Variants in EIF2AK2 observed in about 807,000 individuals in gnomAD.
EIF2AK2 encodes eukaryotic translation initiation factor 2 alpha kinase 2.
In EIF2AK2, 40 loss-of-function variants were observed where a neutral mutation model predicts 70.5. The ratio of observed to expected loss-of-function variants is 0.57; its 90% CI spans 0.44 to 0.74. The LOEUF is 0.74. Ranked by LOEUF, EIF2AK2 falls within the 30% of genes least tolerant of loss-of-function variation. EIF2AK2 has a pLI of 0.00. For missense variants in EIF2AK2, 555 were observed against 644.3 expected, an observed-to-expected ratio of 0.86 and a Z score of 1.50; for synonymous variants, 198 against 220.9, an observed-to-expected ratio of 0.90 and a Z score of 0.92.
intron 14 of EIF2AK2, 64 bp from the exon 15 acceptor site, chr2:37,109,359 G>T: frequency 6.9e-7 from 1 of 1,442,356 alleles, no homozygotes. Context: ...GCCTTCTAAA[G>T]CCCAAAAAAG....
chr2:37,118,322 ATAAAAAT>A (rs1674418131), intron 13 of EIF2AK2, among the ~76,000 whole-genome samples: 1 of 152,190 alleles, frequency 6.6e-6, no homozygotes, highest in South Asian at 2.1e-4. Context: ...TCAAAAAAAA[ATAAAAAT>A]TAAAAATTTA....
intron 4 of EIF2AK2, among the ~76,000 whole-genome samples, chr2:37,143,392 C>T (rs533036083): frequency 3.3e-5 from 5 of 152,096 alleles, no homozygotes; most frequent in African/African-American, 7.2e-5. Flanking sequence ...TCTTATTTTC[C>T]GGGATACCAG....
chr2:37,149,960 A>T (rs1338601471), intron 1 of EIF2AK2, among the ~76,000 whole-genome samples: 1 of 152,214 alleles, frequency 6.6e-6, no homozygotes, highest in Admixed American at 6.5e-5. Context: ...AAAGCAACGA[A>T]AAATGATAAC....
At chr2:37,113,238 G>A (rs1467965281) in intron 14 of EIF2AK2, among the ~76,000 whole-genome samples, 1 of 152,110 alleles carries the variant, frequency 6.6e-6, no homozygotes, top group Non-Finnish European at 1.5e-5. Context: ...GCTCACGTCT[G>A]TAATCCCAGC....
chr2:37,144,415 G>A (rs1359408685), intron 4 of EIF2AK2, among the ~76,000 whole-genome samples: 1 of 151,202 alleles, frequency 6.6e-6, no homozygotes, highest in Non-Finnish European at 1.5e-5. Flanking sequence ...CCTTCGGTAG[G>A]TAATCCAAAA....
intron 1 of EIF2AK2, among the ~76,000 whole-genome samples, chr2:37,152,754 G>A (rs115301233): frequency 0.013 from 1,936 of 152,188 alleles, 19 homozygotes; most frequent in Non-Finnish European, 0.022. Context: ...CTTATGAACC[G>A]CTCTGAGTTT....
At chr2:37,111,730 G>C (rs1246919762) in intron 14 of EIF2AK2, among the ~76,000 whole-genome samples, 1 of 19,552 alleles carries the variant, frequency 5.1e-5, no homozygotes, top group Non-Finnish European at 2.3e-4. Context: ...TTGGTGGTTT[G>C]AGCCTGTAGT....
At position 37,148,878 on chromosome 2, in the gene EIF2AK2, A is replaced by C. The variant is rs766619214; in HGVS notation, c.-38T>G. On this transcript the variant is annotated 5_prime_UTR_variant, in exon 2 of 17. In the 5' UTR this introduces an upstream ATG that the reference lacks. Coordinates refer to ENST00000233057, the MANE Select transcript of EIF2AK2 (RefSeq NM_001135651.3). The stretch of plus-strand genomic sequence containing the variant: ...GTACCTGGTTGGAAGCTTTGTCCAA[A>C]ATGCACGCAGATAATCACGGAAGTG... 42 of 836,816 alleles carry C rather than the reference A, an allele frequency of 5.0e-5. No homozygotes were observed. In the Middle Eastern group the frequency reaches 2.4e-3, roughly 49 times the overall value. 51.8% of individuals were successfully genotyped at this position (836,816 alleles called of 1,614,324 possible).
chr2:37,138,231 AATAAG>A (rs1191899481), intron 8 of EIF2AK2, 34 bp downstream of exon 8: 1 of 1,482,144 alleles, frequency 6.7e-7, no homozygotes, highest in African/African-American at 1.4e-5. Context: ...CGCACAGAAA[AATAAG>A]ATTAAGTAGG....
intron 5 of EIF2AK2, 147 bp downstream of exon 5, chr2:37,141,406 A>T: frequency 1.0e-6 from 1 of 982,386 alleles, no homozygotes; most frequent in Admixed American, 2.6e-5. Context: ...ATTACAAATT[A>T]TAAATCCAAT....
intron 11 of EIF2AK2, 94 bp downstream of exon 11, chr2:37,126,195 T>C: frequency 7.0e-7 from 1 of 1,429,572 alleles, no homozygotes. Flanking sequence ...AAGAAATAAA[T>C]GATACCCTAA....
At chr2:37,118,190 T>C (rs1277667642) in intron 13 of EIF2AK2, among the ~76,000 whole-genome samples, 1 of 151,182 alleles carries the variant, frequency 6.6e-6, no homozygotes, top group Non-Finnish European at 1.5e-5. Flanking sequence ...GGTGTACACC[T>C]GTGGTCCCAG....
At chr2:37,126,432 T>G (rs1360129655) in intron 10 of EIF2AK2, 21 bp from the exon 11 acceptor site, 1 of 1,598,528 alleles carries the variant, frequency 6.3e-7, no homozygotes, top group Non-Finnish European at 8.5e-7. Flanking sequence ...AAAACCACTG[T>G]TATTTTGACA....
chr2:37,135,352 T>C lies in EIF2AK2; in HGVS notation c.785+132A>G, dbSNP rs2307476. The C allele has an allele frequency of 0.047, 34,162 of 733,564 alleles. 6,140 individuals are homozygous for C. The East Asian group carries it at 0.53, about 11-fold the overall frequency. The allele number at this position is 733,564 out of a possible 1,614,324, so 45.4% of individuals were successfully genotyped here. ...CTTAATGATAAGCCTAAGACTATTG[T>C]TCTTACCCTGCGTAGTTAATCTTAT... On this transcript the variant is annotated intron_variant, in intron 10 of 16. Transcript: ENST00000233057.
intron 1 of EIF2AK2, among the ~76,000 whole-genome samples, chr2:37,151,539 T>C (rs1425544224): frequency 2.0e-5 from 3 of 152,206 alleles, no homozygotes; most frequent in African/African-American, 7.2e-5. Context: ...GGGGTTCCTC[T>C]AGAAGGTAAA....
intron 14 of EIF2AK2, chr2:37,109,592 A>C: frequency 3.7e-6 from 1 of 272,674 alleles, no homozygotes; most frequent in East Asian, 8.0e-5. Flanking sequence ...AAGCAGTTAA[A>C]ATAGCACCCA....
Position 37,147,008 on chromosome 2 carries a change from C to T in EIF2AK2, c.120-35G>A. ...AAGAGAATATTCATAAAATATTATA[C>T]AACTCATGCACTATCTAAAAACAAG... On this transcript the variant is annotated intron_variant, in intron 3 of 16. Transcript: ENST00000233057. 3 of 1,584,166 alleles carry T rather than the reference C, an allele frequency of 1.9e-6. No individual in the cohort carries two copies. In the Middle Eastern group the frequency reaches 5.2e-4, roughly 272 times the overall value.
intron 13 of EIF2AK2, among the ~76,000 whole-genome samples, chr2:37,119,588 T>C (rs1674463683): frequency 6.6e-6 from 1 of 150,816 alleles, no homozygotes; most frequent in Non-Finnish European, 1.5e-5. Flanking sequence ...TCTTATTTTA[T>C]ATATATATAT....
chr2:37,131,749 A>G (rs1674946743), intron 10 of EIF2AK2, among the ~76,000 whole-genome samples: 1 of 152,148 alleles, frequency 6.6e-6, no homozygotes, highest in Non-Finnish European at 1.5e-5. Flanking sequence ...CAAGCAGGAT[A>G]TGCAGTCACT....
Sources: gnomAD v4.1 joint callset for allele counts (sites outside exome capture counted in the v4.1 genomes callset) on GRCh38, gnomAD v4.1.1 for gene constraint, MANE v1.5 for transcripts, NCBI Gene and HGNC (gene_info 2026-07-23, HGNC 2026-07-21) for gene names.